UBE2Q2: variants seen among roughly 807,000 people sequenced by gnomAD.
UBE2Q2 encodes ubiquitin-conjugating enzyme E2 Q2.
A neutral mutation model predicts 59.9 loss-of-function variants in UBE2Q2; 54 were observed. That is an observed-to-expected ratio of 0.90 (90% CI 0.72 to 1.13). The LOEUF (loss-of-function observed/expected upper bound fraction) is 1.13. Ranked by LOEUF, UBE2Q2 falls within the 50% of genes most tolerant of loss-of-function variation. The pLI, the probability that UBE2Q2 is intolerant of heterozygous loss-of-function variation, is 0.00. For synonymous variants in UBE2Q2, 165 were observed against 155.2 expected (o/e 1.06, Z -0.47); for missense variants, 433 against 441.9 (o/e 0.98, Z 0.18).
intron 4 of UBE2Q2, among the ~76,000 whole-genome samples, chr15:75,870,063 T>C (rs1897702518): frequency 6.6e-6 from 1 of 152,122 alleles, no homozygotes; most frequent in South Asian, 2.1e-4. Context: ...AAAGAAGCAG[T>C]GTTGTAGGCT....
Position 75,876,222 on chromosome 15 carries a change from A to T in UBE2Q2, c.624A>T (p.Arg208Ser). 6.2e-7 allele frequency: 1 copy of T among 1,614,028 alleles called. No individual in the cohort carries two copies. Among genetic ancestry groups the T allele is most frequent in the East Asian group, 2.2e-5 (1 of 44,872 alleles). The change falls in exon 6 of 13, where the codon AGA (arginine) becomes AGT (serine). Residue 208 changes from arginine to serine, a missense_variant. Physicochemically the swap from Arg to Ser is moderately radical, Grantham distance 110. Transcript: ENST00000267938. Reference protein sequence around the residue: ...AVSGSVQASDRLMKELRDIYR... With the variant: ...AVSGSVQASDSLMKELRDIYR... ...CTGGGTCAGTGCAAGCTTCAGATAGACTTATGAAAGAGCTCAGGGACATAT... is the reference window on the plus strand; with the variant it reads ...CTGGGTCAGTGCAAGCTTCAGATAGTCTTATGAAAGAGCTCAGGGACATAT...
At chr15:75,884,234 A>G (rs143781093) in intron 9 of UBE2Q2, among the ~76,000 whole-genome samples, 63 of 152,346 alleles carry the variant, frequency 4.1e-4, no homozygotes, top group African/African-American at 1.4e-3. Context: ...GACTAATTCT[A>G]TTATGTGACA....
intron 11 of UBE2Q2, among the ~76,000 whole-genome samples, chr15:75,896,214 T>A (rs941559655): frequency 2.0e-5 from 3 of 152,080 alleles, no homozygotes; most frequent in Non-Finnish European, 2.9e-5. Context: ...GGTTAACTTG[T>A]GTGGAGGAAG....
intron 5 of UBE2Q2, 128 bp downstream of exon 5, chr15:75,873,696 AG>A: frequency 9.4e-7 from 1 of 1,059,582 alleles, no homozygotes; most frequent in Non-Finnish European, 1.4e-6. Flanking sequence ...TGGTGGATTC[AG>A]TCATGTGTGT....
chr15:75,863,631 G>A (rs1394169063), intron 3 of UBE2Q2, among the ~76,000 whole-genome samples: 1 of 145,842 alleles, frequency 6.9e-6, no homozygotes, highest in Non-Finnish European at 1.5e-5. Context: ...AAACATCTAT[G>A]ATCACCTGGC....
chr15:75,871,858 T>C (rs1373387325), intron 4 of UBE2Q2, among the ~76,000 whole-genome samples: 2 of 152,206 alleles, frequency 1.3e-5, no homozygotes, highest in African/African-American at 4.8e-5. Context: ...GGGAATAGTG[T>C]GCTGAGGATA....
rs138408567 is a variant in UBE2Q2, at chr15:75,857,551, C to T, written c.283-2327C>T. 6.0e-3 allele frequency among the ~76,000 whole-genome samples: 919 copies of T among 152,150 alleles called. 10 individuals carry two copies. The highest frequency in any genetic ancestry group is 0.021 in the African/African-American group (874 of 41,502). On this transcript the variant is annotated intron_variant, in intron 2 of 12. Transcript: ENST00000267938. ...TGAAGTTATTATAATCTGGATTCTG[C>T]CTTCATCATTGCACTAAAATTTATC... is the stretch of plus-strand genomic sequence containing the variant.
chr15:75,892,357 A>G (rs1899150930), intron 11 of UBE2Q2, among the ~76,000 whole-genome samples: 2 of 152,234 alleles, frequency 1.3e-5, no homozygotes, highest in Admixed American at 1.3e-4. Context: ...GAAATAATAA[A>G]TAATAGATAT....
At position 75,876,226 on chromosome 15, in the gene UBE2Q2, A is replaced by T. The variant is rs577222050; in HGVS notation, c.628A>T (p.Met210Leu). 1 of 1,614,040 alleles carries T rather than the reference A, an allele frequency of 6.2e-7. No individual in the cohort carries two copies. The highest frequency in any genetic ancestry group is 1.3e-5 in the African/African-American group (1 of 75,030). ...GTCAGTGCAAGCTTCAGATAGACTT[A>T]TGAAAGAGCTCAGGGACATATACAG... Reference protein sequence around the residue: ...SGSVQASDRLMKELRDIYRSQ... With the variant: ...SGSVQASDRLLKELRDIYRSQ... Residue 210 changes from methionine (M) to leucine (L), a missense_variant, in exon 6 of 13, where the codon ATG becomes TTG. Physicochemically the swap from Met to Leu is conservative, Grantham distance 15. Transcript: ENST00000267938.
chr15:75,886,072 C>A (rs1351470764), intron 9 of UBE2Q2, among the ~76,000 whole-genome samples: 1 of 151,976 alleles, frequency 6.6e-6, no homozygotes, highest in African/African-American at 2.4e-5. Context: ...GTTAAAATAT[C>A]TTTAACGAAG....
At chr15:75,871,474 G>A (rs1467149542) in intron 4 of UBE2Q2, among the ~76,000 whole-genome samples, 1 of 152,236 alleles carries the variant, frequency 6.6e-6, no homozygotes, top group African/African-American at 2.4e-5. Context: ...ATCACATGGG[G>A]AGATACCTTA....
intron 1 of UBE2Q2, among the ~76,000 whole-genome samples, chr15:75,850,855 C>T (rs911520817): frequency 1.3e-5 from 2 of 152,110 alleles, no homozygotes. Context: ...CAAGTTAAAT[C>T]AGAAATATTT....
intron 9 of UBE2Q2, among the ~76,000 whole-genome samples, chr15:75,885,156 T>C (rs1247538676): frequency 3.9e-5 from 6 of 152,124 alleles, no homozygotes; most frequent in Admixed American, 3.9e-4. Flanking sequence ...GGGGTCTCAC[T>C]GTCACCAGGC....
intron 8 of UBE2Q2, among the ~76,000 whole-genome samples, 197 bp from the exon 9 acceptor site, chr15:75,883,169 T>C (rs1039469523): frequency 3.3e-5 from 5 of 152,196 alleles, no homozygotes; most frequent in Non-Finnish European, 7.3e-5. Context: ...CATAATGCTG[T>C]TCTGTTTGGG....
intron 7 of UBE2Q2, 59 bp from the exon 8 acceptor site, chr15:75,879,039 G>GT (rs1898242010): frequency 6.8e-6 from 9 of 1,319,092 alleles, no homozygotes; most frequent in Non-Finnish European, 8.3e-6. Flanking sequence ...TTTGAGTTTA[G>GT]TTAAAAAAAA....
chr15:75,891,726 T>C (rs902135603), intron 11 of UBE2Q2, among the ~76,000 whole-genome samples: 18 of 152,314 alleles, frequency 1.2e-4, no homozygotes, highest in Non-Finnish European at 2.2e-4. Context: ...AGGCTGGTTT[T>C]CTTTTCAGTT....
intron 3 of UBE2Q2, among the ~76,000 whole-genome samples, chr15:75,860,353 C>G (rs906234806): frequency 6.6e-6 from 1 of 152,200 alleles, no homozygotes; most frequent in African/African-American, 2.4e-5. Flanking sequence ...CAAATGTTAT[C>G]TCCTGCAAGC....
At chr15:75,897,676 T>A in intron 12 of UBE2Q2, among the ~76,000 whole-genome samples, 1 of 151,442 alleles carries the variant, frequency 6.6e-6, no homozygotes, top group East Asian at 1.9e-4. Context: ...TAAAGGCAAC[T>A]CCTTACAGAT....
At chr15:75,877,879 G>A in intron 6 of UBE2Q2, 82 bp from the exon 7 acceptor site, 1 of 1,287,022 alleles carries the variant, frequency 7.8e-7, no homozygotes, top group South Asian at 1.5e-5. Context: ...GCTTTCGTTG[G>A]CTATTTAGTG....
Sources: allele counts gnomAD v4.1 joint callset (sites outside exome capture counted in the v4.1 genomes callset), GRCh38; gene constraint gnomAD v4.1.1; transcripts MANE v1.5; gene names NCBI Gene and HGNC (gene_info 2026-07-23, HGNC 2026-07-21).